OCA2: variants seen among roughly 807,000 people sequenced by gnomAD.
The protein encoded by OCA2 is OCA2 melanosomal transmembrane protein, also known as P protein.
A neutral mutation model predicts 100.2 loss-of-function variants in OCA2; 77 were observed. That is an observed-to-expected ratio of 0.77 (90% CI 0.64 to 0.93). The LOEUF (loss-of-function observed/expected upper bound fraction) is 0.93. OCA2 is among the 40% of genes least tolerant of loss of function. OCA2 has a pLI of 0.00. For missense variants in OCA2, 1,062 were observed against 1,089.1 expected, an observed-to-expected ratio of 0.98 and a Z score of 0.35; for synonymous variants, 432 against 439.2, an observed-to-expected ratio of 0.98 and a Z score of 0.21.
intron 21 of OCA2, among the ~76,000 whole-genome samples, chr15:27,864,520 G>T (rs536853274): frequency 6.6e-6 from 1 of 152,180 alleles, no homozygotes; most frequent in South Asian, 2.1e-4. Flanking sequence ...AGGTGTGATA[G>T]CCCAGGATGT....
intron 22 of OCA2, among the ~76,000 whole-genome samples, chr15:27,848,744 T>A (rs1878428227): frequency 6.6e-6 from 1 of 152,334 alleles, no homozygotes; most frequent in Admixed American, 6.5e-5. Flanking sequence ...AACAGTGAGA[T>A]TTTCCACTTG....
chr15:27,932,596 C>G (rs917894296), intron 18 of OCA2, among the ~76,000 whole-genome samples: 1 of 152,204 alleles, frequency 6.6e-6, no homozygotes, highest in Non-Finnish European at 1.5e-5. Context: ...GTGCTGATGC[C>G]TAGTCTCAGT....
chr15:27,966,902 G>A (rs2140827735), intron 14 of OCA2, 80 bp from the exon 15 acceptor site: 1 of 1,484,242 alleles, frequency 6.7e-7, no homozygotes, highest in Non-Finnish European at 9.2e-7. Context: ...TTCCGAGGTG[G>A]GTGGATCACG....
chr15:27,783,108 G>A (rs1218469161), intron 23 of OCA2, among the ~76,000 whole-genome samples: 1 of 152,186 alleles, frequency 6.6e-6, no homozygotes, highest in Non-Finnish European at 1.5e-5. Flanking sequence ...GATAATCTAT[G>A]ACTATTTCAT....
At chr15:28,021,139 A>G (rs74531804) in intron 6 of OCA2, among the ~76,000 whole-genome samples, 3,549 of 152,304 alleles carry the variant, frequency 0.023, 138 homozygotes, top group African/African-American at 0.082. Flanking sequence ...ATCATCAAAA[A>G]TATTTGCCTG....
chr15:27,810,431 C>G (rs2034030202), intron 23 of OCA2, among the ~76,000 whole-genome samples: 1 of 152,212 alleles, frequency 6.6e-6, no homozygotes, highest in Non-Finnish European at 1.5e-5. Flanking sequence ...GAAAGCTCTT[C>G]TGGACATTGG....
intron 19 of OCA2, among the ~76,000 whole-genome samples, chr15:27,913,859 G>A (rs1595632193): frequency 2.5e-5 from 1 of 40,134 alleles, no homozygotes; most frequent in Non-Finnish European, 4.2e-5. Flanking sequence ...AAGAAAGAAA[G>A]AAAGAAAGAA....
chr15:27,807,972 G>T (rs145078994), intron 23 of OCA2, among the ~76,000 whole-genome samples: 3,181 of 152,304 alleles, frequency 0.021, 43 homozygotes, highest in Non-Finnish European at 0.029. Flanking sequence ...CTTGCTCCAC[G>T]ACTTCACACG....
intron 23 of OCA2, among the ~76,000 whole-genome samples, chr15:27,765,769 G>A (rs1217886958): frequency 1.3e-5 from 2 of 152,160 alleles, no homozygotes; most frequent in Admixed American, 6.5e-5. Context: ...CCCGACCCTC[G>A]GTTTGGTCCG....
At chr15:28,035,890 AT>A (rs11314322) in intron 2 of OCA2, among the ~76,000 whole-genome samples, 152,139 of 152,360 alleles carry the variant, frequency 1, 75,960 homozygotes, top group Middle Eastern at 1. Flanking sequence ...ACATAATTCT[AT>A]TAATTCAGAG....
At chr15:27,893,372 G>T (rs1186676813) in intron 19 of OCA2, among the ~76,000 whole-genome samples, 1 of 152,074 alleles carries the variant, frequency 6.6e-6, no homozygotes, top group Non-Finnish European at 1.5e-5. Context: ...TGAAATCAGG[G>T]CACCCTGAAA....
chr15:28,003,897 C>A (rs1037931974), intron 9 of OCA2, among the ~76,000 whole-genome samples: 20 of 152,234 alleles, frequency 1.3e-4, no homozygotes, highest in African/African-American at 4.6e-4. Context: ...CTCCGGCCTA[C>A]GCCCCGAGCG....
chr15:28,000,713 C>T (rs2041899313), intron 9 of OCA2, among the ~76,000 whole-genome samples: 1 of 151,982 alleles, frequency 6.6e-6, no homozygotes, highest in African/African-American at 2.4e-5. Flanking sequence ...AACCATATAC[C>T]TAATAAGGGG....
chr15:27,798,267 G>T (rs2033434342), intron 23 of OCA2, among the ~76,000 whole-genome samples: 1 of 152,172 alleles, frequency 6.6e-6, no homozygotes, highest in African/African-American at 2.4e-5. Flanking sequence ...GCTGACCGGA[G>T]CTCTTGTGAG....
chr15:27,869,949 A>G (rs933228155), intron 21 of OCA2, among the ~76,000 whole-genome samples: 1 of 152,242 alleles, frequency 6.6e-6, no homozygotes, highest in Non-Finnish European at 1.5e-5. Context: ...TTCACCAAAA[A>G]AATAACAGCC....
intron 12 of OCA2, 103 bp from the exon 13 acceptor site, chr15:27,985,291 A>G: frequency 2.9e-6 from 4 of 1,378,850 alleles, no homozygotes; most frequent in Non-Finnish European, 3.0e-6. Context: ...CCAAACTAAC[A>G]TTACCCCATG....
At position 28,038,403 on chromosome 15, in the gene OCA2, G is replaced by A. The variant is rs144522982; in HGVS notation, c.228-6240C>T. Among the ~76,000 whole-genome samples, 534 of 152,248 alleles carry A rather than the reference G, an allele frequency of 3.5e-3. 6 individuals are homozygous for A. Among genetic ancestry groups the A allele is most frequent in the Middle Eastern group, 0.01 (3 of 294 alleles). ...CTGGGAGTCTGGCATCATTCTGTAT[G>A]AGCAAGGTCAGCCCTTTAAGTGTAA... On this transcript the variant is annotated intron_variant, in intron 2 of 23. Transcript: ENST00000354638.
intron 19 of OCA2, among the ~76,000 whole-genome samples, chr15:27,925,007 T>C (rs1043857985): frequency 2.0e-5 from 3 of 152,278 alleles, no homozygotes; most frequent in South Asian, 4.1e-4. Context: ...AGACATTTAG[T>C]AATGATAAAG....
intron 23 of OCA2, among the ~76,000 whole-genome samples, chr15:27,767,063 C>T (rs551592487): frequency 6.6e-6 from 1 of 151,892 alleles, no homozygotes; most frequent in African/African-American, 2.4e-5. Flanking sequence ...ATGGCTTCTC[C>T]CTTTTCTAGG....
Sources: allele counts gnomAD v4.1 joint callset (sites outside exome capture counted in the v4.1 genomes callset), GRCh38; gene constraint gnomAD v4.1.1; transcripts MANE v1.5; gene names NCBI Gene and HGNC (gene_info 2026-07-23, HGNC 2026-07-21).